The following MAGI2 variants were observed in gnomAD, a reference collection of about 807,000 sequenced individuals.
MAGI2 encodes the protein membrane-associated guanylate kinase, WW and PDZ domain-containing protein 2.
A neutral mutation model predicts 133.3 loss-of-function variants in MAGI2; 35 were observed. The ratio of observed to expected loss-of-function variants is 0.26; its 90% CI spans 0.20 to 0.35. MAGI2 has a LOEUF of 0.35. MAGI2 is among the 10% of genes least tolerant of loss of function. The pLI is 1.00. For missense variants in MAGI2, 1,636 were observed against 1,863.4 expected, an observed-to-expected ratio of 0.88 and a Z score of 2.25; for synonymous variants, 729 against 710.6, an observed-to-expected ratio of 1.03 and a Z score of -0.41.
intron 2 of MAGI2, among the ~76,000 whole-genome samples, chr7:78,953,478 T>C (rs1007190815): frequency 2.0e-5 from 3 of 152,142 alleles, no homozygotes; most frequent in Non-Finnish European, 4.4e-5. Context: ...CTTGAGAGTA[T>C]ATAAAAATAA....
chr7:79,189,678 T>C (rs1191753084), intron 1 of MAGI2, among the ~76,000 whole-genome samples: 1 of 151,800 alleles, frequency 6.6e-6, no homozygotes, highest in African/African-American at 2.4e-5. Context: ...ATATATTGTA[T>C]AGCTCTACGG....
intron 2 of MAGI2, among the ~76,000 whole-genome samples, chr7:78,847,166 G>A (rs1254913755): frequency 1.3e-5 from 2 of 151,920 alleles, no homozygotes; most frequent in Non-Finnish European, 2.9e-5. Flanking sequence ...AAAATCAAAA[G>A]TAATTTACAA....
At chr7:79,033,354 CAAAT>C (rs1810793398) in intron 1 of MAGI2, among the ~76,000 whole-genome samples, 1 of 152,168 alleles carries the variant, frequency 6.6e-6, no homozygotes, top group Admixed American at 6.5e-5. Flanking sequence ...AAACACAACT[CAAAT>C]AACCATTTTG....
At chr7:78,881,589 A>G (rs1415632356) in intron 2 of MAGI2, among the ~76,000 whole-genome samples, 1 of 152,156 alleles carries the variant, frequency 6.6e-6, no homozygotes, top group Non-Finnish European at 1.5e-5. Context: ...TTAAAAAATC[A>G]AAATCATTTC....
intron 2 of MAGI2, among the ~76,000 whole-genome samples, chr7:78,857,989 A>G (rs1001585982): frequency 2.0e-5 from 3 of 152,066 alleles, no homozygotes; most frequent in Admixed American, 1.3e-4. Context: ...GGGAGGGTGT[A>G]TGTGTCGAGG....
At chr7:78,361,513 G>C (rs1290412326) in intron 7 of MAGI2, among the ~76,000 whole-genome samples, 1 of 151,962 alleles carries the variant, frequency 6.6e-6, no homozygotes, top group Non-Finnish European at 1.5e-5. Context: ...GAGAGGAATG[G>C]TTCCTTTGCT....
intron 3 of MAGI2, among the ~76,000 whole-genome samples, chr7:78,548,998 A>G (rs1033737701): frequency 7.0e-4 from 106 of 152,196 alleles, no homozygotes; most frequent in African/African-American, 2.5e-3. Flanking sequence ...TTAAACCTCA[A>G]TTCATTCAAG....
chr7:78,440,281 C>T (rs1787482893), intron 6 of MAGI2, among the ~76,000 whole-genome samples: 1 of 152,148 alleles, frequency 6.6e-6, no homozygotes, highest in Admixed American at 6.6e-5. Flanking sequence ...TCATTTTCCA[C>T]ATTTTACAAA....
intron 1 of MAGI2, chr7:79,008,628 A>G (rs1007381459): frequency 6.6e-6 from 1 of 152,204 alleles, no homozygotes. Flanking sequence ...TGTTGGGTGT[A>G]CATAAATATT....
chr7:79,031,195 C>T (rs1027735151), intron 1 of MAGI2, among the ~76,000 whole-genome samples: 3 of 152,132 alleles, frequency 2.0e-5, no homozygotes, highest in African/African-American at 7.2e-5. Flanking sequence ...AATATTACTC[C>T]TCACTCTATC....
At chr7:78,570,633 T>C (rs1405181611) in intron 3 of MAGI2, among the ~76,000 whole-genome samples, 1 of 152,148 alleles carries the variant, frequency 6.6e-6, no homozygotes, top group Admixed American at 6.5e-5. Context: ...GAGTATCTTG[T>C]AGGGCTATGG....
chr7:78,462,144 C>T (rs1362641774), intron 6 of MAGI2, among the ~76,000 whole-genome samples: 1 of 152,102 alleles, frequency 6.6e-6, no homozygotes, highest in East Asian at 1.9e-4. Flanking sequence ...TTGAATGAAG[C>T]ATATGTTGTG....
At chr7:79,402,480 C>T (rs1016309473) in intron 1 of MAGI2, among the ~76,000 whole-genome samples, 15 of 152,108 alleles carry the variant, frequency 9.9e-5, no homozygotes, top group Non-Finnish European at 1.3e-4. Flanking sequence ...AACAATATTA[C>T]TTTCCATAGT....
rs527658635 is a variant in MAGI2, at chr7:79,083,154, A to C, written c.302-75948T>G. Among the ~76,000 whole-genome samples the C allele has an allele frequency of 1.3e-5, 2 of 151,566 alleles. 1 individual carries two copies. Among genetic ancestry groups the C allele is most frequent in the South Asian group, 4.2e-4 (2 of 4,808 alleles). ...AGAGAGATTTACTTCTTTCTTTCCAACCTAGATGCTATTTATTTTTCATTT... is the reference window on the plus strand; with the variant it reads ...AGAGAGATTTACTTCTTTCTTTCCACCCTAGATGCTATTTATTTTTCATTT... On this transcript the variant is annotated intron_variant, in intron 1 of 21. Transcript: ENST00000354212.
intron 1 of MAGI2, among the ~76,000 whole-genome samples, chr7:79,121,055 T>C (rs539932517): frequency 2.8e-4 from 42 of 152,122 alleles, no homozygotes; most frequent in African/African-American, 9.9e-4. Flanking sequence ...CTAGGATACT[T>C]CCCCCACATT....
At chr7:78,430,135 G>A (rs183190479) in intron 6 of MAGI2, among the ~76,000 whole-genome samples, 31 of 151,102 alleles carry the variant, frequency 2.1e-4, no homozygotes, top group Admixed American at 9.2e-4. Context: ...TGAGGCCTGA[G>A]ATTCTGCATT....
chr7:78,019,925 T>C lies in MAGI2; in HGVS notation c.3758A>G (p.Glu1253Gly). The C allele has an allele frequency of 1.9e-6, 3 of 1,610,290 alleles. No individual in the cohort carries two copies. The highest frequency in any genetic ancestry group is 2.5e-6 in the Non-Finnish European group (3 of 1,178,718). ...SPAAAAPGLPEVGVSLDDGLA... is the reference protein window; with the variant it reads ...SPAAAAPGLPGVGVSLDDGLA... ...GCCGTCGTCCAGGGAGACGCCTACTTCCGGCAGACCTGGGGCGGCGGCAGC... is the reference window on the plus strand; with the variant it reads ...GCCGTCGTCCAGGGAGACGCCTACTCCCGGCAGACCTGGGGCGGCGGCAGC... The change falls in exon 22 of 22, where the codon GAA becomes GGA. Residue 1253 changes from glutamate (E) to glycine (G), a missense_variant. Transcript: ENST00000354212.
intron 16 of MAGI2, among the ~76,000 whole-genome samples, chr7:78,147,045 C>CA (rs553841094): frequency 6.2e-4 from 95 of 152,256 alleles, no homozygotes; most frequent in African/African-American, 2.2e-3. Flanking sequence ...CCTCCTGAGC[C>CA]AGCTGTCCTT....
intron 6 of MAGI2, among the ~76,000 whole-genome samples, chr7:78,419,366 C>T (rs1163143843): frequency 1.3e-5 from 2 of 149,654 alleles, no homozygotes; most frequent in Admixed American, 6.8e-5. Context: ...GAGAATTTAC[C>T]GGCCTATGTT....
Sources: gnomAD v4.1 joint callset for allele counts (sites outside exome capture counted in the v4.1 genomes callset) on GRCh38, gnomAD v4.1.1 for gene constraint, MANE v1.5 for transcripts, NCBI Gene and HGNC (gene_info 2026-07-23, HGNC 2026-07-21) for gene names.